The following SBNO1 variants were observed in gnomAD, a reference collection of about 807,000 sequenced individuals.
SBNO1 encodes strawberry notch homolog 1, also known as protein strawberry notch homolog 1.
In SBNO1, 23 loss-of-function variants were observed where a neutral mutation model predicts 173.6. That is an observed-to-expected ratio of 0.13 (90% CI 0.10 to 0.19). The LOEUF (loss-of-function observed/expected upper bound fraction) is 0.19, where lower values mean the gene tolerates loss of function less well. Among genes scored for constraint, SBNO1 ranks in the 10% least tolerant of loss-of-function variants. The probability of loss-of-function intolerance (pLI) is 1.00; values close to 1 mark genes in which losing one functional copy is unlikely to be tolerated. For synonymous variants in SBNO1, 632 were observed against 571.5 expected (o/e 1.11, Z -1.51); for missense variants, 1,238 against 1,671.2 (o/e 0.74, Z 4.52).
At chr12:123,321,444 T>C in intron 17 of SBNO1, 91 bp downstream of exon 17, 4 of 902,962 alleles carry the variant, frequency 4.4e-6, no homozygotes, top group Non-Finnish European at 7.0e-6. Flanking sequence ...TGTGATCATT[T>C]GTACTGTACA....
At chr12:123,303,501 C>A (rs2048843245) in intron 29 of SBNO1, among the ~76,000 whole-genome samples, 1 of 151,744 alleles carries the variant, frequency 6.6e-6, no homozygotes, top group African/African-American at 2.4e-5. Flanking sequence ...CAAAAAAAAA[C>A]TAGCCAGGTG....
intron 16 of SBNO1, among the ~76,000 whole-genome samples, chr12:123,322,948 A>G (rs2138974414): frequency 6.6e-6 from 1 of 152,300 alleles, no homozygotes; most frequent in South Asian, 2.1e-4. Context: ...CCAGCTGTCT[A>G]TATATTAAAG....
At chr12:123,312,018 G>A (rs1470636003) in intron 24 of SBNO1, among the ~76,000 whole-genome samples, 3 of 151,862 alleles carry the variant, frequency 2.0e-5, no homozygotes, top group Non-Finnish European at 4.4e-5. Context: ...GAAATTACAG[G>A]TGTGAGCCAC....
At chr12:123,356,601 C>G (rs1874489501) in intron 1 of SBNO1, among the ~76,000 whole-genome samples, 1 of 152,136 alleles carries the variant, frequency 6.6e-6, no homozygotes, top group South Asian at 2.1e-4. Context: ...GCCCCCACAC[C>G]CAGCTAATTT....
intron 5 of SBNO1, among the ~76,000 whole-genome samples, chr12:123,337,896 A>T (rs919506360): frequency 8.5e-5 from 13 of 152,202 alleles, no homozygotes; most frequent in African/African-American, 2.2e-4. Flanking sequence ...ATAGTTTTTT[A>T]AAATCATCAT....
intron 1 of SBNO1, among the ~76,000 whole-genome samples, chr12:123,359,709 G>A (rs1874904332): frequency 1.3e-5 from 2 of 151,984 alleles, no homozygotes; most frequent in South Asian, 4.2e-4. Flanking sequence ...TAATTTGATA[G>A]GTTTCATACC....
chr12:123,327,460 C>T lies in SBNO1; in HGVS notation c.1658G>A (p.Ser553Asn), dbSNP rs1294015951. 4 of 1,613,790 alleles carry T rather than the reference C, an allele frequency of 2.5e-6. No homozygotes were observed. Among genetic ancestry groups the T allele is most frequent in the African/African-American group, 2.7e-5 (2 of 74,902 alleles). The change falls in exon 13 of 32, where the codon AGC becomes AAC. Residue 553 changes from serine to asparagine, a missense_variant. Coordinates refer to ENST00000602398, the MANE Select transcript of SBNO1 (RefSeq NM_001167856.3). ...AGCTTTGTTATACATTTTAACGTAG[C>T]TCTGAGAAAGAAGAACTTCCTCAAT... ...FKIEEVLLSQ[S>N]YVKMYNKAVK...
In SBNO1 at chr12:123,295,167, T is replaced by C. The variant is rs2048574722; in HGVS notation, c.*741A>G. On this transcript the variant is annotated 3_prime_UTR_variant, in exon 32 of 32. Coordinates refer to ENST00000602398, the MANE Select transcript of SBNO1 (RefSeq NM_001167856.3). ...TATCACAGAAAAATGTATGTATTCATTACCTTGACCAGAAACCCAGGGCAG... is the reference window on the plus strand; with the variant it reads ...TATCACAGAAAAATGTATGTATTCACTACCTTGACCAGAAACCCAGGGCAG... The C allele has an allele frequency of 6.6e-6, 1 of 152,218 alleles. No homozygotes were observed. Among genetic ancestry groups the C allele is most frequent in the Non-Finnish European group, 1.5e-5 (1 of 68,044 alleles). 9.4% of individuals were successfully genotyped at this position (152,218 alleles called of 1,614,324 possible). A position where few individuals can be genotyped will look rare whatever the true frequency, so the allele number is the denominator to read the frequency against.
chr12:123,360,421 A>G (rs1875006765), intron 1 of SBNO1, among the ~76,000 whole-genome samples: 1 of 152,020 alleles, frequency 6.6e-6, no homozygotes. Flanking sequence ...ATGCCTAAAC[A>G]TATCTGTAGC....
At chr12:123,331,877 G>A (rs573244624) in intron 7 of SBNO1, among the ~76,000 whole-genome samples, 273 of 151,644 alleles carry the variant, frequency 1.8e-3, no homozygotes, top group African/African-American at 6.2e-3. Context: ...TTTTTGAAAC[G>A]GGGTCTCGCT....
chr12:123,333,291 AC>A (rs60957825), intron 7 of SBNO1, among the ~76,000 whole-genome samples: 144,987 of 152,228 alleles, frequency 0.95, 69,173 homozygotes, highest in Non-Finnish European at 0.96. Context: ...GCTTAACTCT[AC>A]CTCACATCAT....
chr12:123,341,493 C>G (rs1325122829), intron 4 of SBNO1, among the ~76,000 whole-genome samples: 1 of 152,032 alleles, frequency 6.6e-6, no homozygotes, highest in Non-Finnish European at 1.5e-5. Context: ...TTTCAAAAAC[C>G]AAAGAATGTC....
intron 20 of SBNO1, among the ~76,000 whole-genome samples, chr12:123,317,658 T>A (rs542914403): frequency 6.6e-6 from 1 of 152,184 alleles, no homozygotes; most frequent in Non-Finnish European, 1.5e-5. Flanking sequence ...GGAACAGGTA[T>A]CTTGGAATAC....
Position 123,325,613 on chromosome 12 carries a change from A to G in SBNO1, c.1876-14T>C. 1 of 1,478,874 alleles carries G rather than the reference A, an allele frequency of 6.8e-7. No homozygotes were observed. The highest frequency in any genetic ancestry group is 9.4e-7 in the Non-Finnish European group (1 of 1,063,496). The allele number at this position is 1,478,874 out of a possible 1,614,324, so 91.6% of individuals were successfully genotyped here. A position where few individuals can be genotyped will look rare whatever the true frequency, so the allele number is the denominator to read the frequency against. ...AATTACAACACACTGGAGAAAAAAGAAAACATGTTAATTATGAATAATAAT... is the reference window on the plus strand; with the variant it reads ...AATTACAACACACTGGAGAAAAAAGGAAACATGTTAATTATGAATAATAAT... On this transcript the variant is annotated splice_polypyrimidine_tract_variant and intron_variant, in intron 14 of 31. Transcript: ENST00000602398.
intron 3 of SBNO1, 38 bp from the exon 4 acceptor site, chr12:123,345,608 T>C: frequency 6.4e-7 from 1 of 1,552,318 alleles, no homozygotes; most frequent in Non-Finnish European, 8.8e-7. Flanking sequence ...TGAAAAATGC[T>C]TCATTCTCTA....
At chr12:123,300,331 G>A (rs1483592606) in intron 30 of SBNO1, among the ~76,000 whole-genome samples, 1 of 152,116 alleles carries the variant, frequency 6.6e-6, no homozygotes, top group Non-Finnish European at 1.5e-5. Context: ...AAAGTGCTAG[G>A]AGCCACTGCA....
In SBNO1 at chr12:123,290,052, C is replaced by T. The variant is rs1249531500; in HGVS notation, c.*5856G>A. On this transcript the variant is annotated 3_prime_UTR_variant, in exon 32 of 32. Transcript: ENST00000602398. ...TGAATTACAAGTATCAAAAAGAACC[C>T]GCCTTTTTGGGCTTCTTCTTTTCCT... 6.6e-6 allele frequency: 1 copy of T among 152,262 alleles called. No individual in the cohort carries two copies. Among genetic ancestry groups the T allele is most frequent in the Non-Finnish European group, 1.5e-5 (1 of 68,060 alleles). 9.4% of individuals were successfully genotyped at this position (152,262 alleles called of 1,614,324 possible).
chr12:123,353,653 C>T (rs1374966565), intron 1 of SBNO1, among the ~76,000 whole-genome samples: 1 of 152,080 alleles, frequency 6.6e-6, no homozygotes, highest in Non-Finnish European at 1.5e-5. Flanking sequence ...ACACATTTGA[C>T]CATACTTTTA....
rs1391010312 is a variant in SBNO1, at chr12:123,292,545, A to G, written c.*3363T>C. ...GTTCTAACAGCATCCCATGGAGGCC[A>G]GCAAATGAATGCCCCAGGGACTACA... On this transcript the variant is annotated 3_prime_UTR_variant, in exon 32 of 32. Transcript: ENST00000602398. The G allele has an allele frequency of 6.6e-6, 1 of 152,234 alleles. No individual in the cohort carries two copies. The highest frequency in any genetic ancestry group is 1.5e-5 in the Non-Finnish European group (1 of 68,038). The allele number at this position is 152,234 out of a possible 1,614,324, so 9.4% of individuals were successfully genotyped here.
Sources: allele counts gnomAD v4.1 joint callset (sites outside exome capture counted in the v4.1 genomes callset), GRCh38; gene constraint gnomAD v4.1.1; transcripts MANE v1.5; gene names NCBI Gene and HGNC (gene_info 2026-07-23, HGNC 2026-07-21).